Variants in HMOX2 observed in about 807,000 individuals in gnomAD.
HMOX2 encodes heme oxygenase (decycling) 2.
HMOX2 carries 30 observed loss-of-function variants against 33.7 expected under a neutral mutation model. That is an observed-to-expected ratio of 0.89 (90% CI 0.67 to 1.21). The LOEUF is 1.21. Among genes scored for constraint, HMOX2 ranks in the 50% most tolerant of loss-of-function variants. HMOX2 has a pLI of 0.00. For synonymous variants in HMOX2, 155 were observed against 155.0 expected (o/e 1.00, Z 0.00); for missense variants, 403 against 399.1 (o/e 1.01, Z -0.08).
intron 1 of HMOX2, among the ~76,000 whole-genome samples, chr16:4,499,089 G>T (rs1392842246): frequency 6.6e-6 from 1 of 152,158 alleles, no homozygotes; most frequent in East Asian, 1.9e-4. Flanking sequence ...AAGTCCTCAG[G>T]TGTGACCTGC....
At position 4,510,002 on chromosome 16, in the gene HMOX2, G is replaced by C. The variant is rs1008525495; in HGVS notation, c.*246G>C. 1 of 537,276 alleles carries C rather than the reference G, an allele frequency of 1.9e-6. No individual in the cohort carries two copies. The highest frequency in any genetic ancestry group is 3.2e-5 in the Admixed American group (1 of 31,204). The allele number at this position is 537,276 out of a possible 1,614,324, so 33.3% of individuals were successfully genotyped here. On this transcript the variant is annotated 3_prime_UTR_variant, in exon 6 of 6. Transcript: ENST00000570646. ...GCACAGTGCAGCAAGCCTGGCCCCC[G>C]ACCCAGCTCTACTCCAGGCTTCCAC... is the stretch of plus-strand genomic sequence containing the variant.
intron 1 of HMOX2, among the ~76,000 whole-genome samples, chr16:4,485,426 A>G (rs753217981): frequency 6.6e-6 from 1 of 152,212 alleles, no homozygotes; most frequent in Non-Finnish European, 1.5e-5. Flanking sequence ...GTCTTTGTTT[A>G]CTAGGAGCTG....
intron 1 of HMOX2, among the ~76,000 whole-genome samples, chr16:4,480,584 G>C (rs1222976140): frequency 6.7e-6 from 1 of 148,674 alleles, no homozygotes; most frequent in African/African-American, 2.5e-5. Flanking sequence ...ACCTCAAGTG[G>C]TCCACCCACT....
intron 1 of HMOX2, among the ~76,000 whole-genome samples, chr16:4,486,502 G>A (rs892071026): frequency 6.6e-6 from 1 of 152,196 alleles, no homozygotes; most frequent in Admixed American, 6.5e-5. Context: ...TACCAATGCT[G>A]GGGATGAGGT....
intron 1 of HMOX2, among the ~76,000 whole-genome samples, chr16:4,488,177 G>C (rs1246967320): frequency 6.6e-6 from 1 of 151,240 alleles, no homozygotes; most frequent in African/African-American, 2.4e-5. Context: ...CACAGCCCTG[G>C]AGAATGCCTG....
intron 1 of HMOX2, among the ~76,000 whole-genome samples, chr16:4,480,090 C>T (rs1253223597): frequency 6.6e-6 from 1 of 151,700 alleles, no homozygotes; most frequent in African/African-American, 2.4e-5. Context: ...CTCTTTCACC[C>T]AGGCTGGAGT....
At chr16:4,505,755 G>T (rs1468296599) in intron 2 of HMOX2, 145 bp downstream of exon 2, 1 of 579,562 alleles carries the variant, frequency 1.7e-6, no homozygotes. Flanking sequence ...GGCCCTGCAG[G>T]GACCGCATAC....
chr16:4,485,817 C>T lies in HMOX2; in HGVS notation c.-42+9330C>T, dbSNP rs531170663. Among the ~76,000 whole-genome samples, 8 of 152,190 alleles carry T rather than the reference C, an allele frequency of 5.3e-5. No homozygotes were observed. The East Asian group carries it at 9.6e-4, about 18-fold the overall frequency. On this transcript the variant is annotated intron_variant, in intron 1 of 5. Transcript: ENST00000570646. ...TCGGCTCACTGCAACCTCTGCCTCC[C>T]GGGTTCAAACAATTCTCCTACCTCT...
intron 1 of HMOX2, among the ~76,000 whole-genome samples, chr16:4,493,482 C>A (rs990736051): frequency 6.6e-6 from 1 of 152,194 alleles, no homozygotes; most frequent in Non-Finnish European, 1.5e-5. Flanking sequence ...TATCACTGTC[C>A]TTTACAGATG....
At chr16:4,481,588 G>T (rs1461347527) in intron 1 of HMOX2, among the ~76,000 whole-genome samples, 1 of 152,120 alleles carries the variant, frequency 6.6e-6, no homozygotes, top group Non-Finnish European at 1.5e-5. Flanking sequence ...ACAGTTGTCT[G>T]TATTGCACAA....
rs145119833 is a variant in HMOX2 at position 4,509,415 on chromosome 16, T to G, written c.700T>G (p.Phe234Val). 7 of 1,613,492 alleles carry G rather than the reference T, an allele frequency of 4.3e-6. No individual in the cohort carries two copies. The highest frequency in any genetic ancestry group is 2.7e-5 in the African/African-American group (2 of 74,796). ...NKAFEYNMQIFNELDQAGSTL... is the reference protein window; with the variant it reads ...NKAFEYNMQIVNELDQAGSTL... The stretch of plus-strand genomic sequence containing the variant: ...AGTCGATCCTCTGCTCCTGCAGATA[T>G]TCAATGAACTGGACCAGGCCGGCTC... The change falls in exon 5 of 6, where the codon TTC becomes GTC. Residue 234 changes from phenylalanine (F) to valine (V), a missense_variant. By Grantham distance (50) the Phe-to-Val change is conservative. Transcript: ENST00000570646.
intron 1 of HMOX2, chr16:4,479,373 A>T: frequency 6.6e-6 from 1 of 152,186 alleles, no homozygotes; most frequent in African/African-American, 2.4e-5. Flanking sequence ...TTCCCAGGTG[A>T]TCCTTGTTTG....
upstream of HMOX2, among the ~76,000 whole-genome samples, chr16:4,475,566 G>T (rs1359868089): frequency 6.6e-6 from 1 of 150,860 alleles, no homozygotes; most frequent in Non-Finnish European, 1.5e-5. Flanking sequence ...CCCGCCTCAG[G>T]CTCCCAAAGT....
chr16:4,481,232 C>A (rs2058021944), intron 1 of HMOX2, among the ~76,000 whole-genome samples: 1 of 151,540 alleles, frequency 6.6e-6, no homozygotes, highest in Non-Finnish European at 1.5e-5. Flanking sequence ...GCCTGTAGTC[C>A]CGGCTACTCG....
At chr16:4,495,526 G>C (rs1424769146) in intron 1 of HMOX2, 1 of 152,184 alleles carries the variant, frequency 6.6e-6, no homozygotes, top group East Asian at 1.9e-4. Context: ...TTACTCTATA[G>C]GCCTGTGGAA....
chr16:4,494,097 A>G (rs2058363120), intron 1 of HMOX2, among the ~76,000 whole-genome samples: 1 of 152,016 alleles, frequency 6.6e-6, no homozygotes, highest in Admixed American at 6.6e-5. Flanking sequence ...CGGGTGGATC[A>G]CGAGGTCAGG....
chr16:4,505,767 G>C (rs2058675836), intron 2 of HMOX2, among the ~76,000 whole-genome samples, 157 bp downstream of exon 2: 2 of 152,232 alleles, frequency 1.3e-5, no homozygotes, highest in Admixed American at 6.5e-5. Flanking sequence ...ACCGCATACA[G>C]CTTCGGCTGC....
intron 1 of HMOX2, among the ~76,000 whole-genome samples, chr16:4,501,095 T>G (rs1160920265): frequency 6.6e-6 from 1 of 152,176 alleles, no homozygotes; most frequent in East Asian, 1.9e-4. Flanking sequence ...GGATCTTAGC[T>G]GGTTTGCTTG....
intron 4 of HMOX2, 21 bp from the exon 5 acceptor site, chr16:4,509,391 G>T: frequency 6.2e-7 from 1 of 1,610,662 alleles, no homozygotes; most frequent in Non-Finnish European, 8.5e-7. Flanking sequence ...AGATGGCTCA[G>T]TCGATCCTCT....
Sources: gnomAD v4.1 joint callset for allele counts (sites outside exome capture counted in the v4.1 genomes callset) on GRCh38, gnomAD v4.1.1 for gene constraint, MANE v1.5 for transcripts, NCBI Gene and HGNC (gene_info 2026-07-23, HGNC 2026-07-21) for gene names.